The following NECAB1 variants were observed in gnomAD, a reference collection of about 807,000 sequenced individuals.
NECAB1 encodes N-terminal EF-hand calcium-binding protein 1.
Under a neutral mutation model 57.5 loss-of-function variants are expected in NECAB1, and 29 were observed. The observed-to-expected ratio is 0.50, with a 90% CI of 0.38 to 0.69. NECAB1 has a LOEUF of 0.69. NECAB1 is among the 30% of genes least tolerant of loss of function. The pLI is 0.00. For synonymous variants in NECAB1, 142 were observed against 147.7 expected, an observed-to-expected ratio of 0.96 and a Z score of 0.28; for missense variants, 372 against 413.8, an observed-to-expected ratio of 0.90 and a Z score of 0.88.
At chr8:90,903,054 A>T (rs562811777) in intron 5 of NECAB1, among the ~76,000 whole-genome samples, 1 of 152,076 alleles carries the variant, frequency 6.6e-6, no homozygotes, top group Non-Finnish European at 1.5e-5. Flanking sequence ...TACAATTGAC[A>T]TGGAAAGATG....
chr8:90,864,329 A>G (rs1808466179), intron 3 of NECAB1, among the ~76,000 whole-genome samples: 1 of 93,174 alleles, frequency 1.1e-5, no homozygotes, highest in South Asian at 4.0e-4. Context: ...GGAAGGAAGG[A>G]AACAAGGAAG....
rs576297276 is a variant in NECAB1 at position 90,879,144 on chromosome 8, G to A, written c.260-1889G>A. Among the ~76,000 whole-genome samples, 33 of 139,948 alleles carry A rather than the reference G, an allele frequency of 2.4e-4. 1 individual carries two copies. The South Asian group carries it at 6.0e-3, about 26-fold the overall frequency. The allele number at this position is 139,948 out of a possible 152,430, so 91.8% of individuals were successfully genotyped here. ...TATCTATATATAATATATATATATC[G>A]AGAGAGAGAGTGTTGCTTTTTTAGC... On this transcript the variant is annotated intron_variant, in intron 4 of 12. Transcript: ENST00000417640.
At chr8:90,878,714 T>G (rs1808773398) in intron 4 of NECAB1, among the ~76,000 whole-genome samples, 2 of 152,038 alleles carry the variant, frequency 1.3e-5, no homozygotes. Flanking sequence ...ACAGAAAGAA[T>G]GAAGTCTAGA....
chr8:90,955,112 T>TTTTATATATATATATATATATA (rs1554578887), intron 12 of NECAB1, among the ~76,000 whole-genome samples: 4 of 70,816 alleles, frequency 5.6e-5, no homozygotes, highest in Admixed American at 1.9e-4. Flanking sequence ...GGTATATAAA[T>TTTTATATATATATATATATATA]TATATATATA....
At chr8:90,849,534 T>C (rs937739) in intron 3 of NECAB1, among the ~76,000 whole-genome samples, 66,036 of 145,394 alleles carry the variant, frequency 0.45, 18,399 homozygotes, top group East Asian at 0.77. Flanking sequence ...ATTTGTTCTA[T>C]AGTTGAGTGC....
At chr8:90,840,343 C>T (rs544573168) in intron 3 of NECAB1, among the ~76,000 whole-genome samples, 1 of 152,184 alleles carries the variant, frequency 6.6e-6, no homozygotes, top group South Asian at 2.1e-4. Flanking sequence ...TACAACAGAT[C>T]TATGATTGAC....
rs3830308 is a variant in NECAB1 at position 90,958,844 on chromosome 8, A to ATTCT, written c.*3335_*3338dup. On this transcript the variant is annotated 3_prime_UTR_variant, in exon 13 of 13. Transcript: ENST00000417640. ...CTGCAAAGCTGAAACTGATTAGAAAATTCTTTATATTTTAAAATAGCTCTT... is the reference window on the plus strand; with the variant it reads ...CTGCAAAGCTGAAACTGATTAGAAAATTCTTTCTTTATATTTTAAAATAGCTCTT... The ATTCT allele has an allele frequency of 0.15, 75,049 of 510,582 alleles. 11,585 individuals are homozygous for ATTCT. Among genetic ancestry groups the ATTCT allele is most frequent in the African/African-American group, 0.6 (29,167 of 48,254 alleles). The allele number at this position is 510,582 out of a possible 1,614,324, so 31.6% of individuals were successfully genotyped here.
At chr8:90,875,325 C>CA (rs1808697104) in intron 4 of NECAB1, among the ~76,000 whole-genome samples, 1 of 149,538 alleles carries the variant, frequency 6.7e-6, no homozygotes, top group Non-Finnish European at 1.5e-5. Context: ...ACTAAAAATA[C>CA]AAAAAATTAG....
chr8:90,840,710 T>A (rs549599304), intron 3 of NECAB1, among the ~76,000 whole-genome samples: 1 of 152,294 alleles, frequency 6.6e-6, no homozygotes, highest in South Asian at 2.1e-4. Flanking sequence ...TTTGTTTGAC[T>A]GCGGTCTTAG....
intron 2 of NECAB1, among the ~76,000 whole-genome samples, chr8:90,820,109 A>G (rs1563496298): frequency 6.6e-6 from 1 of 151,906 alleles, no homozygotes; most frequent in Non-Finnish European, 1.5e-5. Context: ...TGGCTACAGT[A>G]GCTTCTGTTC....
chr8:90,935,731 A>G (rs1220592561), intron 9 of NECAB1, among the ~76,000 whole-genome samples: 1 of 152,140 alleles, frequency 6.6e-6, no homozygotes, highest in Non-Finnish European at 1.5e-5. Context: ...CTCTCTAGTT[A>G]TGAAGAGGAA....
At chr8:90,895,139 G>C (rs895853201) in intron 5 of NECAB1, among the ~76,000 whole-genome samples, 1 of 152,094 alleles carries the variant, frequency 6.6e-6, no homozygotes, top group Admixed American at 6.6e-5. Flanking sequence ...AAAGTAAACA[G>C]AAATTAATTC....
intron 3 of NECAB1, among the ~76,000 whole-genome samples, chr8:90,849,238 A>T (rs184265615): frequency 2.0e-4 from 30 of 152,302 alleles, no homozygotes; most frequent in African/African-American, 7.2e-4. Context: ...GGGAAGCCAC[A>T]GAAGGGAGTC....
At chr8:90,830,172 A>G (rs1015116758) in intron 3 of NECAB1, among the ~76,000 whole-genome samples, 1 of 152,092 alleles carries the variant, frequency 6.6e-6, no homozygotes, top group Non-Finnish European at 1.5e-5. Flanking sequence ...AAGTTGGTCC[A>G]AAGAGCATGG....
intron 5 of NECAB1, among the ~76,000 whole-genome samples, chr8:90,893,117 C>T (rs968250423): frequency 6.6e-6 from 1 of 152,148 alleles, no homozygotes; most frequent in African/African-American, 2.4e-5. Flanking sequence ...TTCCTCAGGG[C>T]TCCTCCAGTT....
intron 6 of NECAB1, 71 bp downstream of exon 6, chr8:90,917,699 T>C: frequency 6.9e-7 from 1 of 1,442,140 alleles, no homozygotes; most frequent in Non-Finnish European, 9.3e-7. Context: ...TGAGAGGCAT[T>C]GTACTTACAC....
chr8:90,808,044 T>C (rs1811884821), intron 2 of NECAB1, among the ~76,000 whole-genome samples: 1 of 152,174 alleles, frequency 6.6e-6, no homozygotes. Context: ...TGCAAAGCAC[T>C]TTCACACCCA....
chr8:90,870,351 T>G (rs996959413), intron 3 of NECAB1, among the ~76,000 whole-genome samples: 6 of 152,244 alleles, frequency 3.9e-5, no homozygotes, highest in Admixed American at 6.5e-5. Flanking sequence ...TTAAAAAGTA[T>G]TCTATAATTC....
intron 3 of NECAB1, among the ~76,000 whole-genome samples, chr8:90,846,635 G>A (rs1812564121): frequency 1.3e-5 from 2 of 152,134 alleles, no homozygotes; most frequent in African/African-American, 2.4e-5. Flanking sequence ...TACCCAAACT[G>A]GGTAATTTAT....
Sources: allele counts gnomAD v4.1 joint callset (sites outside exome capture counted in the v4.1 genomes callset), GRCh38; gene constraint gnomAD v4.1.1; transcripts MANE v1.5; gene names NCBI Gene and HGNC (gene_info 2026-07-23, HGNC 2026-07-21).